GPR75: variants seen among roughly 807,000 people sequenced by gnomAD.
GPR75 encodes the protein G protein-coupled receptor 75, also known as probable G protein-coupled receptor 75.
In GPR75, 27 loss-of-function variants were observed where a neutral mutation model predicts 26.0. That is an observed-to-expected ratio of 1.04 (90% CI 0.77 to 1.43). The LOEUF (loss-of-function observed/expected upper bound fraction) is 1.43. Ranked by LOEUF, GPR75 falls within the 40% of genes most tolerant of loss-of-function variation. The probability of loss-of-function intolerance (pLI) is 0.00; values close to 1 mark genes in which losing one functional copy is unlikely to be tolerated. For synonymous variants in GPR75, 285 were observed against 256.3 expected (o/e 1.11, Z -1.07); for missense variants, 699 against 662.3 (o/e 1.06, Z -0.61).
intron 1 of GPR75, among the ~76,000 whole-genome samples, chr2:53,858,834 G>A (rs908603943): frequency 1.3e-5 from 2 of 152,014 alleles, no homozygotes; most frequent in African/African-American, 2.4e-5. Flanking sequence ...TCTCTGGGAC[G>A]GAGAATAGGT....
rs775536159 is a variant in GPR75 at position 53,853,720 on chromosome 2, A to G, written c.1037T>C (p.Leu346Pro). The G allele has an allele frequency of 3.7e-6, 6 of 1,614,014 alleles. No individual in the cohort carries two copies. Among genetic ancestry groups the G allele is most frequent in the Non-Finnish European group, 5.1e-6 (6 of 1,179,846 alleles). ...AAGAATGAAGCTCCCATTGCTGGAGAGAACCACCTGTACCAAGGAAATCCC... is the reference window on the plus strand; with the variant it reads ...AAGAATGAAGCTCCCATTGCTGGAGGGAACCACCTGTACCAAGGAAATCCC... ...PLGISLVQVV[L>P]SSNGSFILYQ... is the part of the protein sequence containing the mutation. The change falls in exon 2 of 2, where the codon CTC becomes CCC. Residue 346 changes from leucine (L) to proline (P), a missense_variant. Leu to Pro is a moderately conservative substitution (Grantham distance 98). Transcript: ENST00000394705.
rs1678333253 is a variant in GPR75 at position 53,859,856 on chromosome 2, C to T, written c.-138G>A. ...CCGGGTGGCCGCAGCGCCGCCCCTC[C>T]TCCATCTCGCAGTCCGGACCCCAGC... On this transcript the variant is annotated 5_prime_UTR_variant, in exon 1 of 2. Coordinates refer to ENST00000394705, the MANE Select transcript of GPR75 (RefSeq NM_006794.4). The T allele has an allele frequency of 2.0e-6, 3 of 1,533,370 alleles. No homozygotes were observed. The highest frequency in any genetic ancestry group is 1.4e-5 in the African/African-American group (1 of 72,156). 95.0% of individuals were successfully genotyped at this position (1,533,370 alleles called of 1,614,324 possible).
chr2:53,859,621 G>A (rs543413005), intron 1 of GPR75, among the ~76,000 whole-genome samples: 1 of 148,214 alleles, frequency 6.7e-6, no homozygotes, highest in African/African-American at 2.5e-5. Context: ...CGGTGGGTGG[G>A]TGGGTGGGGG....
chr2:53,853,312 T>A lies in GPR75; in HGVS notation c.1445A>T (p.Tyr482Phe). 1.9e-6 allele frequency: 3 copies of A among 1,614,146 alleles called. No individual in the cohort carries two copies. Among genetic ancestry groups the A allele is most frequent in the Admixed American group, 1.7e-5 (1 of 60,018 alleles). Reference protein sequence around the residue: ...STPINTRIEPYYSIYNSSPSQ... With the variant: ...STPINTRIEPFYSIYNSSPSQ... ...AGGGCTGCTGTTATAGATGCTGTAG[T>A]AAGGTTCAATCCGAGTGTTGATGGG... Residue 482 changes from tyrosine (Y) to phenylalanine (F), a missense_variant, in exon 2 of 2, where the codon TAC (tyrosine) becomes TTC (phenylalanine). Coordinates refer to ENST00000394705, the MANE Select transcript of GPR75 (RefSeq NM_006794.4).
Position 53,853,495 on chromosome 2 carries a change from T to A in GPR75, c.1262A>T (p.Lys421Ile), listed in dbSNP as rs1678143989. The A allele has an allele frequency of 6.2e-7, 1 of 1,613,972 alleles. No individual in the cohort carries two copies. Among genetic ancestry groups the A allele is most frequent in the Non-Finnish European group, 8.5e-7 (1 of 1,179,992 alleles). Reference protein sequence around the residue: ...GKGNLEVNRNKSSHHETNSAY... With the variant: ...GKGNLEVNRNISSHHETNSAY... The stretch of plus-strand genomic sequence containing the variant: ...AGAGTTTGTTTCATGATGGGAGGAT[T>A]TGTTTCTGTTGACTTCGAGGTTCCC... The change falls in exon 2 of 2, where the codon AAA (lysine) becomes ATA (isoleucine). Residue 421 changes from lysine to isoleucine, a missense_variant. Physicochemically the swap from Lys to Ile is moderately radical, Grantham distance 102. Coordinates refer to ENST00000394705, the MANE Select transcript of GPR75 (RefSeq NM_006794.4).
chr2:53,857,091 G>T (rs1158822183), intron 1 of GPR75, among the ~76,000 whole-genome samples: 1 of 149,320 alleles, frequency 6.7e-6, no homozygotes, highest in African/African-American at 2.5e-5. Flanking sequence ...AGCCTCCCGA[G>T]TAGCTGGGAC....
chr2:53,859,145 C>G (rs1678307532), intron 1 of GPR75, among the ~76,000 whole-genome samples: 1 of 151,008 alleles, frequency 6.6e-6, no homozygotes. Context: ...GACCTGAATT[C>G]TTCCAACCCC....
At position 53,854,884 on chromosome 2, in the gene GPR75, A is replaced by G; in HGVS notation, c.-109-19T>C. 5.9e-6 allele frequency: 4 copies of G among 673,560 alleles called. No homozygotes were observed. Among genetic ancestry groups the G allele is most frequent in the Non-Finnish European group, 1.0e-5 (4 of 387,080 alleles). The allele number at this position is 673,560 out of a possible 1,614,324, so 41.7% of individuals were successfully genotyped here. Reference sequence around the variant, plus strand: ...GATAAGCCTACACACAAAAATGCACACCCAGAAACAGAAAGGGATTAATGT... The same window carrying G: ...GATAAGCCTACACACAAAAATGCACGCCCAGAAACAGAAAGGGATTAATGT... On this transcript the variant is annotated intron_variant, in intron 1 of 1. Transcript: ENST00000394705.
At chr2:53,855,239 C>T (rs940785724) in intron 1 of GPR75, among the ~76,000 whole-genome samples, 1 of 152,046 alleles carries the variant, frequency 6.6e-6, no homozygotes, top group African/African-American at 2.4e-5. Context: ...TACATTCATC[C>T]AGCTAATATT....
intron 1 of GPR75, among the ~76,000 whole-genome samples, chr2:53,857,161 G>T (rs1246961147): frequency 6.6e-6 from 1 of 150,524 alleles, no homozygotes; most frequent in African/African-American, 2.4e-5. Flanking sequence ...TAGAGACGGG[G>T]TTTCACCTTG....
intron 1 of GPR75, among the ~76,000 whole-genome samples, chr2:53,856,940 AAGAC>A (rs1678241825): frequency 7.2e-6 from 1 of 138,004 alleles, no homozygotes; most frequent in Non-Finnish European, 1.6e-5. Flanking sequence ...TATAATGAGA[AAGAC>A]AATTTTTTTT....
chr2:53,857,425 T>A (rs1022906595), intron 1 of GPR75, among the ~76,000 whole-genome samples: 1 of 151,886 alleles, frequency 6.6e-6, no homozygotes, highest in African/African-American at 2.4e-5. Flanking sequence ...GGTTTCCTCT[T>A]TGGAGGTAGA....
chr2:53,859,846 G>T lies in GPR75; in HGVS notation c.-128C>A. 2.0e-6 allele frequency: 3 copies of T among 1,531,892 alleles called. No individual in the cohort carries two copies. The highest frequency in any genetic ancestry group is 5.0e-5 in the East Asian group (2 of 40,388). The allele number at this position is 1,531,892 out of a possible 1,614,324, so 94.9% of individuals were successfully genotyped here. On this transcript the variant is annotated 5_prime_UTR_variant, in exon 1 of 2. Coordinates refer to ENST00000394705, the MANE Select transcript of GPR75 (RefSeq NM_006794.4). ...CTCTCACCTGCCGGGTGGCCGCAGCGCCGCCCCTCCTCCATCTCGCAGTCC... is the reference window on the plus strand; with the variant it reads ...CTCTCACCTGCCGGGTGGCCGCAGCTCCGCCCCTCCTCCATCTCGCAGTCC...
Position 53,853,271 on chromosome 2 carries a change from T to C in GPR75, c.1486A>G (p.Ser496Gly), listed in dbSNP as rs1678136174. Residue 496 changes from serine to glycine, a missense_variant, in exon 2 of 2, where the codon AGC becomes GGC. Coordinates refer to ENST00000394705, the MANE Select transcript of GPR75 (RefSeq NM_006794.4). ...TTTACTGGCTGTAAGTTACATGGGC[T>C]GCTCTCCTCCTGGGAAGGGCTGCTG... Reference protein sequence around the residue: ...YNSSPSQEESSPCNLQPVNSF... With the variant: ...YNSSPSQEESGPCNLQPVNSF... The C allele has an allele frequency of 8.1e-6, 13 of 1,614,222 alleles. No homozygotes were observed. Among genetic ancestry groups the C allele is most frequent in the Non-Finnish European group, 8.5e-6 (10 of 1,180,026 alleles).
rs771937121 is a variant in GPR75 at position 53,853,531 on chromosome 2, G to A, written c.1226C>T (p.Ala409Val). Reference protein sequence around the residue: ...FCCKQKTRLRAMGKGNLEVNR... With the variant: ...FCCKQKTRLRVMGKGNLEVNR... Reference sequence around the variant, plus strand: ...GACTTCGAGGTTCCCTTTTCCCATGGCTCGAAGTCGAGTCTTTTGTTTGCA... The same window carrying A: ...GACTTCGAGGTTCCCTTTTCCCATGACTCGAAGTCGAGTCTTTTGTTTGCA... Residue 409 changes from alanine (A) to valine (V), a missense_variant, in exon 2 of 2, where the codon GCC becomes GTC. By Grantham distance (64) the Ala-to-Val change is moderately conservative. Coordinates refer to ENST00000394705, the MANE Select transcript of GPR75 (RefSeq NM_006794.4). 3.1e-6 allele frequency: 5 copies of A among 1,614,166 alleles called. No homozygotes were observed. The highest frequency in any genetic ancestry group is 4.2e-6 in the Non-Finnish European group (5 of 1,180,038).
At position 53,853,139 on chromosome 2, in the gene GPR75, C is replaced by T. The variant is rs201187126; in HGVS notation, c.1618G>A (p.Val540Ile). 3.2e-5 allele frequency: 52 copies of T among 1,610,208 alleles called. No homozygotes were observed. Among genetic ancestry groups the T allele is most frequent in the East Asian group, 4.5e-5 (2 of 44,878 alleles). Residue 540 changes from valine (V) to isoleucine (I), a missense_variant, in exon 2 of 2, where the codon GTT (valine) becomes ATT (isoleucine). By Grantham distance (29) the Val-to-Ile change is conservative (BLOSUM62 3). Coordinates refer to ENST00000394705, the MANE Select transcript of GPR75 (RefSeq NM_006794.4). The part of the protein sequence containing the change: ...TSAKQIPVPS[V>I] ...ATCCTATAGCCTCCATGACTTTAAACGGAGGGGACTGGAATCTGCTTGGCT... is the reference window on the plus strand; with the variant it reads ...ATCCTATAGCCTCCATGACTTTAAATGGAGGGGACTGGAATCTGCTTGGCT...
At position 53,854,626 on chromosome 2, in the gene GPR75, G is replaced by T. The variant is rs1678178356; in HGVS notation, c.131C>A (p.Thr44Asn). Residue 44 changes from threonine (T) to asparagine (N), a missense_variant, in exon 2 of 2, where the codon ACC becomes AAC. Thr to Asn is a moderately conservative substitution (Grantham distance 65). Coordinates refer to ENST00000394705, the MANE Select transcript of GPR75 (RefSeq NM_006794.4). ...QDLIHTATLV[T>N]CTFLLAVIFC... ...GATGACCGCCAGTAGAAAAGTACAG[G>T]TCACCAAGGTGGCTGTGTGGATGAG... 6.2e-7 allele frequency: 1 copy of T among 1,613,980 alleles called. No individual in the cohort carries two copies. Among genetic ancestry groups the T allele is most frequent in the South Asian group, 1.1e-5 (1 of 91,078 alleles).
intron 1 of GPR75, among the ~76,000 whole-genome samples, chr2:53,858,902 C>T (rs541044879): frequency 2.0e-5 from 3 of 152,140 alleles, no homozygotes; most frequent in African/African-American, 7.2e-5. Context: ...GAACACCAGT[C>T]TTAAGCATGC....
At chr2:53,858,300 C>G (rs116387313) in intron 1 of GPR75, among the ~76,000 whole-genome samples, 1,528 of 152,080 alleles carry the variant, frequency 0.01, 12 homozygotes, top group Non-Finnish European at 0.014. Flanking sequence ...TCACAATAAT[C>G]CTATGAATAG....
Sources: allele counts gnomAD v4.1 joint callset (sites outside exome capture counted in the v4.1 genomes callset), GRCh38; gene constraint gnomAD v4.1.1; transcripts MANE v1.5; gene names NCBI Gene and HGNC (gene_info 2026-07-23, HGNC 2026-07-21).